The following RAPGEF2 variants were observed in gnomAD, a reference collection of about 807,000 sequenced individuals.
The protein encoded by RAPGEF2 is PDZ domain containing guanine nucleotide exchange factor (GEF) 1.
RAPGEF2 carries 54 observed loss-of-function variants against 186.7 expected under a neutral mutation model. The ratio of observed to expected loss-of-function variants is 0.29; its 90% CI spans 0.23 to 0.36. RAPGEF2 has a LOEUF of 0.36. Ranked by LOEUF, RAPGEF2 falls within the 10% of genes least tolerant of loss-of-function variation. RAPGEF2 has a pLI of 1.00. For synonymous variants in RAPGEF2, 712 were observed against 705.9 expected, an observed-to-expected ratio of 1.01 and a Z score of -0.14; for missense variants, 1,532 against 2,045.0, an observed-to-expected ratio of 0.75 and a Z score of 4.84.
At chr4:159,108,863 T>TA (rs1455058330) in intron 1 of RAPGEF2, among the ~76,000 whole-genome samples, 1 of 152,122 alleles carries the variant, frequency 6.6e-6, no homozygotes, top group Non-Finnish European at 1.5e-5. Flanking sequence ...TCTACAGGCT[T>TA]ATGTCACTGT....
chr4:159,280,587 C>G (rs1229390716), intron 7 of RAPGEF2, among the ~76,000 whole-genome samples: 1 of 152,182 alleles, frequency 6.6e-6, no homozygotes, highest in Non-Finnish European at 1.5e-5. Context: ...TTACTCCTTT[C>G]TCTGTATTGT....
intron 11 of RAPGEF2, 53 bp downstream of exon 11, chr4:159,323,670 A>C (rs1181854060): frequency 9.1e-7 from 1 of 1,098,982 alleles, no homozygotes; most frequent in Non-Finnish European, 1.2e-6. Flanking sequence ...AAGAACACTT[A>C]TATGCCATTG....
chr4:159,324,060 C>T (rs976215460), intron 11 of RAPGEF2, among the ~76,000 whole-genome samples: 2 of 152,058 alleles, frequency 1.3e-5, no homozygotes, highest in Non-Finnish European at 2.9e-5. Context: ...CCATGCCCAC[C>T]TAATTTTTGT....
intron 1 of RAPGEF2, among the ~76,000 whole-genome samples, chr4:159,110,079 A>G (rs953748679): frequency 1.3e-5 from 2 of 152,178 alleles, no homozygotes; most frequent in African/African-American, 4.8e-5. Context: ...TTTATATCTC[A>G]TTATAGTAAA....
chr4:159,267,106 A>G (rs1308101809), intron 7 of RAPGEF2: 3 of 1,197,864 alleles, frequency 2.5e-6, no homozygotes, highest in Non-Finnish European at 3.2e-6. Context: ...GTGAGAGAGA[A>G]ATCCACTTAC....
chr4:159,121,610 G>C (rs1369808475), intron 1 of RAPGEF2, among the ~76,000 whole-genome samples: 1 of 151,540 alleles, frequency 6.6e-6, no homozygotes, highest in Non-Finnish European at 1.5e-5. Flanking sequence ...CTCAAGCTGT[G>C]CTCCTGCCTT....
chr4:159,206,573 ATACACATGTAAAAACCCTCCAGT>A (rs1750014885), intron 3 of RAPGEF2, among the ~76,000 whole-genome samples: 1 of 152,172 alleles, frequency 6.6e-6, no homozygotes, highest in African/African-American at 2.4e-5. Flanking sequence ...CCATTTTTAC[ATACACATGTAAAAACCCTCCAGT>A]GACAGCTAGC....
intron 8 of RAPGEF2, 86 bp downstream of exon 8, chr4:159,304,559 T>C: frequency 7.9e-7 from 1 of 1,272,664 alleles, no homozygotes; most frequent in Non-Finnish European, 1.1e-6. Context: ...ATCTATAAAA[T>C]AAATATATGT....
chr4:159,252,811 T>TA, intron 7 of RAPGEF2, among the ~76,000 whole-genome samples: 1 of 152,270 alleles, frequency 6.6e-6, no homozygotes, highest in South Asian at 2.1e-4. Flanking sequence ...TTTAAACTTC[T>TA]AAAAAAAATT....
Position 159,280,853 on chromosome 4 carries a change from G to T in RAPGEF2, c.544-23489G>T, listed in dbSNP as rs1579742670. Among the ~76,000 whole-genome samples the T allele has an allele frequency of 1.3e-5, 2 of 152,100 alleles. 1 individual carries two copies. Among genetic ancestry groups the T allele is most frequent in the African/African-American group, 4.8e-5 (2 of 41,478 alleles). On this transcript the variant is annotated intron_variant, in intron 7 of 29. Transcript: ENST00000691494. ...AACTGTGGACCTCTACACAGCAATAGGAAAGAACTATTCCAACTAGGTTTT... is the reference window on the plus strand; with the variant it reads ...AACTGTGGACCTCTACACAGCAATATGAAAGAACTATTCCAACTAGGTTTT...
At chr4:159,143,045 T>A (rs1173121482) in intron 1 of RAPGEF2, among the ~76,000 whole-genome samples, 2 of 152,224 alleles carry the variant, frequency 1.3e-5, no homozygotes, top group East Asian at 3.8e-4. Flanking sequence ...TTTTAAACAT[T>A]AATAAACTTC....
chr4:159,146,502 T>A (rs1427296437), intron 1 of RAPGEF2, among the ~76,000 whole-genome samples: 1 of 152,204 alleles, frequency 6.6e-6, no homozygotes, highest in Non-Finnish European at 1.5e-5. Flanking sequence ...TCTGTGTCAA[T>A]ATTTGTAATT....
At chr4:159,225,370 G>C (rs1751925618) in intron 4 of RAPGEF2, among the ~76,000 whole-genome samples, 1 of 152,166 alleles carries the variant, frequency 6.6e-6, no homozygotes, top group South Asian at 2.1e-4. Flanking sequence ...TTGTAAATGA[G>C]GCAGTATTAA....
At chr4:159,105,786 T>C (rs1269643361) in intron 1 of RAPGEF2, among the ~76,000 whole-genome samples, 1 of 152,238 alleles carries the variant, frequency 6.6e-6, no homozygotes, top group African/African-American at 2.4e-5. Context: ...AGTGAGATAT[T>C]TCATTTCCTT....
intron 1 of RAPGEF2, among the ~76,000 whole-genome samples, chr4:159,120,399 G>A (rs557552887): frequency 1.3e-5 from 2 of 152,164 alleles, no homozygotes; most frequent in South Asian, 4.2e-4. Context: ...GCACTTTGTC[G>A]AATTTATACT....
chr4:159,131,863 T>C (rs908679608), intron 1 of RAPGEF2, among the ~76,000 whole-genome samples: 2 of 151,972 alleles, frequency 1.3e-5, no homozygotes, highest in African/African-American at 4.8e-5. Context: ...TGTAGGGCCA[T>C]AGGTGGGAAC....
intron 1 of RAPGEF2, among the ~76,000 whole-genome samples, chr4:159,127,326 C>G (rs145422307): frequency 2.6e-5 from 4 of 152,308 alleles, no homozygotes; most frequent in African/African-American, 9.6e-5. Flanking sequence ...CGCACCTGGC[C>G]TATTTATTTG....
chr4:159,133,634 A>G (rs1316687607), intron 1 of RAPGEF2, among the ~76,000 whole-genome samples: 2 of 151,740 alleles, frequency 1.3e-5, no homozygotes, highest in Non-Finnish European at 2.9e-5. Context: ...CCCATGCTGG[A>G]GTGCAGTGGC....
chr4:159,217,294 T>A (rs1751077860), intron 4 of RAPGEF2, among the ~76,000 whole-genome samples: 1 of 152,184 alleles, frequency 6.6e-6, no homozygotes, highest in African/African-American at 2.4e-5. Flanking sequence ...AAGTATACAA[T>A]AGGTAGCTTT....
Sources: allele counts gnomAD v4.1 joint callset (sites outside exome capture counted in the v4.1 genomes callset), GRCh38; gene constraint gnomAD v4.1.1; transcripts MANE v1.5; gene names NCBI Gene and HGNC (gene_info 2026-07-23, HGNC 2026-07-21).